ARMC9: variants seen among roughly 807,000 people sequenced by gnomAD.
ARMC9 encodes armadillo repeat containing 9.
Under a neutral mutation model 107.0 loss-of-function variants are expected in ARMC9, and 94 were observed. The observed-to-expected ratio is 0.88, with a 90% CI of 0.74 to 1.04. ARMC9 has a LOEUF of 1.04. ARMC9 is among the 50% of genes least tolerant of loss of function. The pLI, the probability that ARMC9 is intolerant of heterozygous loss-of-function variation, is 0.00. For missense variants in ARMC9, 942 were observed against 1,030.1 expected (o/e 0.91, Z 1.17); for synonymous variants, 380 against 396.9 (o/e 0.96, Z 0.51).
chr2:231,316,319 A>G (rs1215387060), intron 19 of ARMC9, among the ~76,000 whole-genome samples: 1 of 150,634 alleles, frequency 6.6e-6, no homozygotes, highest in Non-Finnish European at 1.5e-5. Flanking sequence ...TTGCTACTTG[A>G]TTTGGTCAAA....
chr2:231,370,101 G>A lies in ARMC9; in HGVS notation c.2410G>A (p.Ala804Thr), dbSNP rs16828016. Residue 804 changes from alanine (A) to threonine (T), a missense_variant, in exon 24 of 25, where the codon GCG becomes ACG. Ala to Thr is a moderately conservative substitution (Grantham distance 58). Coordinates refer to ENST00000611582, the MANE Select transcript of ARMC9 (RefSeq NM_001352754.2). ...PQQASRPGSTASSTRGLPSSQ... is the reference protein window; with the variant it reads ...PQQASRPGSTTSSTRGLPSSQ... ...GCAGGCCAGCCGCCCCGGCTCCACA[G>A]CGTCCTCCACAAGGGGCCTGCCGAG... 1.5e-3 allele frequency: 2,276 copies of A among 1,533,326 alleles called. 24 individuals carry two copies. The African/African-American group carries it at 0.027, about 18-fold the overall frequency. The allele number at this position is 1,533,326 out of a possible 1,614,324, so 95.0% of individuals were successfully genotyped here.
chr2:231,331,688 G>A, intron 19 of ARMC9, 105 bp from the exon 20 acceptor site: 1 of 936,094 alleles, frequency 1.1e-6, no homozygotes, highest in Non-Finnish European at 1.6e-6. Flanking sequence ...TGCTGTGATT[G>A]GCCGAGGCCT....
intron 9 of ARMC9, among the ~76,000 whole-genome samples, chr2:231,245,497 C>T (rs2036676044): frequency 1.3e-5 from 2 of 152,102 alleles, no homozygotes; most frequent in Admixed American, 1.3e-4. Context: ...TTAGGGCTAG[C>T]GTTACACAAA....
rs150808362 is a variant in ARMC9 at position 231,304,501 on chromosome 2, G to T, written c.1773+8248G>T. Among the ~76,000 whole-genome samples, 520 of 152,278 alleles carry T rather than the reference G, an allele frequency of 3.4e-3. 4 individuals are homozygous for T. Among genetic ancestry groups the T allele is most frequent in the African/African-American group, 0.011 (477 of 41,574 alleles). On this transcript the variant is annotated intron_variant, in intron 19 of 24. Transcript: ENST00000611582. ...AACCTCCGCCTCCTGGGTTCAAGTG[G>T]TTCTTTTGCCTCAGCCTCCCAAGTA... is the stretch of plus-strand genomic sequence containing the variant.
At chr2:231,293,640 T>C (rs2041171864) in intron 18 of ARMC9, among the ~76,000 whole-genome samples, 1 of 152,200 alleles carries the variant, frequency 6.6e-6, no homozygotes, top group Non-Finnish European at 1.5e-5. Flanking sequence ...AGAAATTGTG[T>C]TGGGCAGAGC....
chr2:231,347,750 T>C (rs1189409515), intron 21 of ARMC9, among the ~76,000 whole-genome samples: 2 of 152,248 alleles, frequency 1.3e-5, no homozygotes, highest in Non-Finnish European at 2.9e-5. Flanking sequence ...TTTGACACAT[T>C]GTCCAGTTGC....
intron 1 of ARMC9, among the ~76,000 whole-genome samples, chr2:231,204,058 C>T (rs2031560273): frequency 2.0e-5 from 3 of 151,812 alleles, no homozygotes; most frequent in African/African-American, 4.8e-5. Flanking sequence ...TCTGTAGGCC[C>T]AGCTACTCAG....
chr2:231,296,642 C>T (rs547458463), intron 19 of ARMC9, among the ~76,000 whole-genome samples: 10 of 152,272 alleles, frequency 6.6e-5, no homozygotes, highest in African/African-American at 2.4e-4. Flanking sequence ...GAGTCTCTGG[C>T]GTGAGGGGTC....
chr2:231,218,029 C>A (rs1434684862), intron 5 of ARMC9, among the ~76,000 whole-genome samples: 1 of 152,148 alleles, frequency 6.6e-6, no homozygotes, highest in Non-Finnish European at 1.5e-5. Context: ...ATTCTGTCAC[C>A]CAGGTCACTC....
intron 19 of ARMC9, among the ~76,000 whole-genome samples, chr2:231,329,448 T>C (rs924028604): frequency 6.6e-6 from 1 of 152,172 alleles, no homozygotes; most frequent in African/African-American, 2.4e-5. Context: ...TAGCTGGGAT[T>C]ACAGGCATGC....
chr2:231,244,610 T>G (rs1275555717), intron 9 of ARMC9, among the ~76,000 whole-genome samples: 1 of 152,180 alleles, frequency 6.6e-6, no homozygotes, highest in African/African-American at 2.4e-5. Flanking sequence ...GCTCAAGCAG[T>G]CCTCCCACTT....
chr2:231,281,189 A>T (rs2040191367), intron 16 of ARMC9, among the ~76,000 whole-genome samples: 2 of 141,988 alleles, frequency 1.4e-5, no homozygotes, highest in South Asian at 5.1e-4. Context: ...TAGTGGAGGG[A>T]TGTACAAGAA....
chr2:231,293,013 C>T (rs56383256), intron 18 of ARMC9, among the ~76,000 whole-genome samples: 1 of 152,114 alleles, frequency 6.6e-6, no homozygotes, highest in African/African-American at 2.4e-5. Flanking sequence ...CTGCCTGGGT[C>T]GCAGAAACGA....
At position 231,307,626 on chromosome 2, in the gene ARMC9, G is replaced by A. The variant is rs542984495; in HGVS notation, c.1773+11373G>A. 5.9e-5 allele frequency among the ~76,000 whole-genome samples: 9 copies of A among 152,206 alleles called. No homozygotes were observed. The East Asian group carries it at 7.7e-4, about 13-fold the overall frequency. On this transcript the variant is annotated intron_variant, in intron 19 of 24. Transcript: ENST00000611582. ...TCTAGTCTCATCTCCCTCTCCTCTC[G>A]GAAATGGACTCTGGGCCTGAAGGAG...
intron 7 of ARMC9, among the ~76,000 whole-genome samples, chr2:231,228,417 G>A (rs952098612): frequency 6.6e-6 from 1 of 152,190 alleles, no homozygotes; most frequent in Non-Finnish European, 1.5e-5. Context: ...AGTGGTGGTC[G>A]GTGCTGGCTG....
intron 8 of ARMC9, among the ~76,000 whole-genome samples, chr2:231,235,995 C>G (rs1208357282): frequency 1.3e-5 from 2 of 152,106 alleles, no homozygotes; most frequent in Non-Finnish European, 2.9e-5. Context: ...CTTTGTTGCC[C>G]AGGCTGATTT....
chr2:231,232,949 C>A (rs1167010987), intron 7 of ARMC9, among the ~76,000 whole-genome samples: 1 of 152,154 alleles, frequency 6.6e-6, no homozygotes, highest in Non-Finnish European at 1.5e-5. Flanking sequence ...CTCCTGGGTT[C>A]AAGCGATTCT....
intron 14 of ARMC9, 62 bp downstream of exon 14, chr2:231,273,140 T>G: frequency 6.4e-7 from 1 of 1,561,752 alleles, no homozygotes; most frequent in Non-Finnish European, 8.7e-7. Flanking sequence ...AAAATTCCCA[T>G]GGCAACCCAG....
intron 1 of ARMC9, among the ~76,000 whole-genome samples, chr2:231,199,886 TG>T (rs1344846496): frequency 6.6e-6 from 1 of 152,026 alleles, no homozygotes; most frequent in Non-Finnish European, 1.5e-5. Flanking sequence ...TTAGTAGAGA[TG>T]GGGTTCCACC....
Sources: gnomAD v4.1 joint callset for allele counts (sites outside exome capture counted in the v4.1 genomes callset) on GRCh38, gnomAD v4.1.1 for gene constraint, MANE v1.5 for transcripts, NCBI Gene and HGNC (gene_info 2026-07-23, HGNC 2026-07-21) for gene names.